TESC: variants seen among roughly 807,000 people sequenced by gnomAD.
TESC encodes the protein calcineurin B homologous protein 3.
TESC carries 19 observed loss-of-function variants against 31.0 expected under a neutral mutation model. The observed-to-expected ratio is 0.61, with a 90% confidence interval of 0.43 to 0.90. The LOEUF (loss-of-function observed/expected upper bound fraction) is 0.90, where lower values mean the gene tolerates loss of function less well. Ranked by LOEUF, TESC falls within the 40% of genes least tolerant of loss-of-function variation. The pLI is 0.00. For synonymous variants in TESC, 109 were observed against 114.8 expected (o/e 0.95, Z 0.32); for missense variants, 248 against 303.8 (o/e 0.82, Z 1.36).
At chr12:117,093,337 C>T (rs914668472) in intron 1 of TESC, among the ~76,000 whole-genome samples, 1 of 152,258 alleles carries the variant, frequency 6.6e-6, no homozygotes. Context: ...GCCACCCCCA[C>T]CAGCCACGCT....
chr12:117,081,858 C>T (rs1206810571), intron 1 of TESC, among the ~76,000 whole-genome samples: 2 of 151,566 alleles, frequency 1.3e-5, no homozygotes, highest in East Asian at 2.0e-4. Flanking sequence ...GAGCCGAGAT[C>T]GTGCCACTGC....
chr12:117,059,174 A>C lies in TESC; in HGVS notation c.129-2288T>G, dbSNP rs78932847. 7.0e-4 allele frequency among the ~76,000 whole-genome samples: 106 copies of C among 152,328 alleles called. 1 individual carries two copies. The East Asian group carries it at 0.018, about 26-fold the overall frequency. Reference sequence around the variant, plus strand: ...GGACAGACAGATGCTGGAGAGGAGGAGGCAAAACAGATGCAAGGGACTCTA... The same window carrying C: ...GGACAGACAGATGCTGGAGAGGAGGCGGCAAAACAGATGCAAGGGACTCTA... On this transcript the variant is annotated intron_variant, in intron 2 of 7. Transcript: ENST00000335209.
chr12:117,098,954 C>A (rs1053590131), intron 1 of TESC, among the ~76,000 whole-genome samples: 4 of 152,078 alleles, frequency 2.6e-5, no homozygotes, highest in African/African-American at 9.7e-5. Flanking sequence ...GCCTGGGCCC[C>A]GCTCCCTCCC....
intron 1 of TESC, among the ~76,000 whole-genome samples, chr12:117,083,774 C>CA (rs1955180137): frequency 6.6e-6 from 1 of 152,038 alleles, no homozygotes; most frequent in Admixed American, 6.6e-5. Flanking sequence ...CAGTGGGTAT[C>CA]CTTTTGGGGG....
intron 2 of TESC, among the ~76,000 whole-genome samples, chr12:117,057,541 T>A (rs1198815129): frequency 6.6e-6 from 1 of 152,172 alleles, no homozygotes; most frequent in Non-Finnish European, 1.5e-5. Context: ...TTTAGAGCAG[T>A]GGGGTGCTGG....
intron 3 of TESC, among the ~76,000 whole-genome samples, chr12:117,052,747 GC>G (rs543193223): frequency 1.3e-5 from 2 of 151,862 alleles, no homozygotes; most frequent in Admixed American, 6.6e-5. Flanking sequence ...TCTCCTGGAT[GC>G]CCCCCCACAC....
intron 1 of TESC, among the ~76,000 whole-genome samples, chr12:117,086,538 C>G (rs755769818): frequency 1.9e-4 from 29 of 152,116 alleles, no homozygotes; most frequent in Non-Finnish European, 5.9e-5. Flanking sequence ...CTCAAGTGAT[C>G]CTCCCTGCCT....
chr12:117,054,860 G>A (rs1323787237), intron 3 of TESC, among the ~76,000 whole-genome samples: 2 of 152,086 alleles, frequency 1.3e-5, no homozygotes, highest in South Asian at 2.1e-4. Flanking sequence ...GGGGACCGTG[G>A]GGCAAACAGG....
chr12:117,042,128 CAAGAAGAGG>C, intron 6 of TESC, 134 bp from the exon 7 acceptor site: 2 of 878,430 alleles, frequency 2.3e-6, no homozygotes, highest in Non-Finnish European at 3.5e-6. Context: ...GGAGGAATCA[CAAGAAGAGG>C]AGAACGTTCT....
chr12:117,078,364 A>T (rs974986131), intron 1 of TESC, among the ~76,000 whole-genome samples: 6 of 152,092 alleles, frequency 3.9e-5, no homozygotes, highest in Non-Finnish European at 8.8e-5. Context: ...TACTTGGGAG[A>T]CTGAAGCAGG....
At chr12:117,069,790 A>G (rs891732022) in intron 2 of TESC, among the ~76,000 whole-genome samples, 1 of 152,250 alleles carries the variant, frequency 6.6e-6, no homozygotes, top group Admixed American at 6.5e-5. Context: ...CCGCACATTT[A>G]GAAATCCAGT....
Position 117,048,836 on chromosome 12 carries a change from GT to G in TESC, c.349+182del. 3 of 907,124 alleles carry G rather than the reference GT, an allele frequency of 3.3e-6. No individual in the cohort carries two copies. The African/African-American group carries it at 4.9e-5, about 15-fold the overall frequency. 56.2% of individuals were successfully genotyped at this position (907,124 alleles called of 1,614,324 possible). A position where few individuals can be genotyped will look rare whatever the true frequency, so the allele number is the denominator to read the frequency against. ...CTGCTGAGGAATGTTTAGGATGAAG[GT>G]GCCGGGAACGGGAGACAGCAATGCC... On this transcript the variant is annotated intron_variant, in intron 4 of 7. Transcript: ENST00000335209.
At chr12:117,097,545 G>A (rs190508019) in intron 1 of TESC, among the ~76,000 whole-genome samples, 64 of 152,294 alleles carry the variant, frequency 4.2e-4, no homozygotes, top group Admixed American at 2.6e-3. Flanking sequence ...GGCGAGGAGA[G>A]GGCACATGAG....
chr12:117,061,411 A>G (rs1216617794), intron 2 of TESC, among the ~76,000 whole-genome samples: 5 of 152,006 alleles, frequency 3.3e-5, no homozygotes. Context: ...AGACCCTGGA[A>G]GGAGAGCAGA....
chr12:117,087,037 C>T lies in TESC; in HGVS notation c.59-11697G>A, dbSNP rs188483021. Reference sequence around the variant, plus strand: ...AGCCTCCTTAGCCTTGCAGGGGCCACTCCACAGGGGACTACCCTCTCATGC... The same window carrying T: ...AGCCTCCTTAGCCTTGCAGGGGCCATTCCACAGGGGACTACCCTCTCATGC... On this transcript the variant is annotated intron_variant, in intron 1 of 7. Transcript: ENST00000335209. 7.9e-5 allele frequency among the ~76,000 whole-genome samples: 12 copies of T among 152,324 alleles called. No homozygotes were observed. The East Asian group carries it at 2.3e-3, about 29-fold the overall frequency.
chr12:117,078,151 C>T (rs1376593081), intron 1 of TESC, among the ~76,000 whole-genome samples: 1 of 152,072 alleles, frequency 6.6e-6, no homozygotes, highest in Non-Finnish European at 1.5e-5. Context: ...GCTTAAAATT[C>T]GACTTGCCCT....
At chr12:117,076,204 G>A (rs1264866037) in intron 1 of TESC, among the ~76,000 whole-genome samples, 1 of 151,194 alleles carries the variant, frequency 6.6e-6, no homozygotes, top group African/African-American at 2.4e-5. Context: ...GCTTTTTATA[G>A]TCACAGACTC....
intron 4 of TESC, chr12:117,048,683 A>C: frequency 2.0e-6 from 1 of 497,548 alleles, no homozygotes; most frequent in Non-Finnish European, 3.9e-6. Context: ...CGGCATACCC[A>C]CGTTCTGGGT....
rs60089641 is a variant in TESC at position 117,088,680 on chromosome 12, CAA to C, written c.58+10543_58+10544del. Among the ~76,000 whole-genome samples, 18 of 120,844 alleles carry C rather than the reference CAA, an allele frequency of 1.5e-4. No homozygotes were observed. In the East Asian group the frequency reaches 2.6e-3, roughly 18 times the overall value. 79.3% of individuals were successfully genotyped at this position (120,844 alleles called of 152,430 possible). A position where few individuals can be genotyped will look rare whatever the true frequency, so the allele number is the denominator to read the frequency against. Reference sequence around the variant, plus strand: ...TGGGCGACAGAGTGAGACTCTGTCTCAAAAAAAAAAAAAAAATGTACAAGGCT... The same window carrying C: ...TGGGCGACAGAGTGAGACTCTGTCTCAAAAAAAAAAAAAATGTACAAGGCT... On this transcript the variant is annotated intron_variant, in intron 1 of 7. Transcript: ENST00000335209.
Sources: allele counts gnomAD v4.1 joint callset (sites outside exome capture counted in the v4.1 genomes callset), GRCh38; gene constraint gnomAD v4.1.1; transcripts MANE v1.5; gene names NCBI Gene and HGNC (gene_info 2026-07-23, HGNC 2026-07-21).